Variants in FLRT2 observed in about 807,000 individuals in gnomAD.
FLRT2 encodes leucine-rich repeat transmembrane protein FLRT2.
A neutral mutation model predicts 40.0 loss-of-function variants in FLRT2; 15 were observed. That is an observed-to-expected ratio of 0.38 (90% CI 0.25 to 0.58). The LOEUF is 0.58. Among genes scored for constraint, FLRT2 ranks in the 20% least tolerant of loss-of-function variants. The probability of loss-of-function intolerance (pLI) is 0.71; values close to 1 mark genes in which losing one functional copy is unlikely to be tolerated. For missense variants in FLRT2, 726 were observed against 840.0 expected (o/e 0.86, Z 1.68); for synonymous variants, 380 against 336.8 (o/e 1.13, Z -1.41).
chr14:85,605,690 A>G (rs971041560), intron 1 of FLRT2, among the ~76,000 whole-genome samples: 1 of 152,102 alleles, frequency 6.6e-6, no homozygotes, highest in South Asian at 2.1e-4. Flanking sequence ...GAATGGCATG[A>G]ACTGGAGCTC....
chr14:85,618,551 G>A (rs1276435700), intron 1 of FLRT2, among the ~76,000 whole-genome samples: 1 of 152,040 alleles, frequency 6.6e-6, no homozygotes, highest in Non-Finnish European at 1.5e-5. Context: ...AACATTTTCT[G>A]TTAAGGCCAA....
intron 1 of FLRT2, among the ~76,000 whole-genome samples, chr14:85,583,650 C>T (rs746981938): frequency 1.3e-5 from 2 of 152,088 alleles, no homozygotes; most frequent in African/African-American, 2.4e-5. Flanking sequence ...AAAGAATATT[C>T]CCTCAAGGCA....
At chr14:85,596,639 C>A (rs58755279) in intron 1 of FLRT2, among the ~76,000 whole-genome samples, 1,570 of 152,238 alleles carry the variant, frequency 0.01, 24 homozygotes, top group African/African-American at 0.036. Flanking sequence ...CATCGTCTTG[C>A]TAAAGACTTT....
In FLRT2 at chr14:85,624,897, C is replaced by T. The variant is rs1384491102; in HGVS notation, c.*1400C>T. 2 of 166,996 alleles carry T rather than the reference C, an allele frequency of 1.2e-5. No homozygotes were observed. Among genetic ancestry groups the T allele is most frequent in the African/African-American group, 4.8e-5 (2 of 41,440 alleles). 10.3% of individuals were successfully genotyped at this position (166,996 alleles called of 1,614,324 possible). On this transcript the variant is annotated 3_prime_UTR_variant, in exon 2 of 2. Transcript: ENST00000330753. ...ACCTTGGACTGACTTTGATCCTGTT[C>T]CACTTTTGAAATTTTATTTGTTCCT...
At chr14:85,613,291 CTGAG>C (rs1892978571) in intron 1 of FLRT2, among the ~76,000 whole-genome samples, 1 of 152,092 alleles carries the variant, frequency 6.6e-6, no homozygotes, top group Non-Finnish European at 1.5e-5. Flanking sequence ...TGTTATGTTT[CTGAG>C]TGACCCTATT....
In FLRT2 at chr14:85,636,971, C is replaced by T. The variant is rs1894023797; in HGVS notation, c.*13474C>T. On this transcript the variant is annotated 3_prime_UTR_variant, in exon 2 of 2. Transcript: ENST00000330753. The stretch of plus-strand genomic sequence containing the variant: ...AAAAAAAAAGAGAGAGACTAACATT[C>T]TAACAGACAAAACAAAAACAAAAAA... 1 of 142,132 alleles carries T rather than the reference C, an allele frequency of 7.0e-6. No individual in the cohort carries two copies. Among genetic ancestry groups the T allele is most frequent in the South Asian group, 2.3e-4 (1 of 4,346 alleles). The allele number at this position is 142,132 out of a possible 1,614,324, so 8.8% of individuals were successfully genotyped here.
intron 1 of FLRT2, among the ~76,000 whole-genome samples, chr14:85,546,013 G>A (rs773925935): frequency 4.6e-5 from 7 of 152,186 alleles, no homozygotes; most frequent in East Asian, 3.9e-4. Context: ...TTGCTCAGGC[G>A]GTAAGCTTTT....
At position 85,643,767 on chromosome 14, in the gene FLRT2, G is replaced by A. The variant is rs1894225240; in HGVS notation, c.*20270G>A. On this transcript the variant is annotated 3_prime_UTR_variant, in exon 2 of 2. Coordinates refer to ENST00000330753, the MANE Select transcript of FLRT2 (RefSeq NM_013231.6). ...TCTTTTAGATAGAGATGAAAGTGTAGATGCTGCCCACAAAATGTGCTCCCT... is the reference window on the plus strand; with the variant it reads ...TCTTTTAGATAGAGATGAAAGTGTAAATGCTGCCCACAAAATGTGCTCCCT... 6.6e-6 allele frequency: 1 copy of A among 152,166 alleles called. No homozygotes were observed. Among genetic ancestry groups the A allele is most frequent in the South Asian group, 2.1e-4 (1 of 4,830 alleles). 9.4% of individuals were successfully genotyped at this position (152,166 alleles called of 1,614,324 possible).
chr14:85,594,145 C>G (rs191987175), intron 1 of FLRT2, among the ~76,000 whole-genome samples: 66 of 152,268 alleles, frequency 4.3e-4, no homozygotes, highest in African/African-American at 1.5e-3. Flanking sequence ...TTAGAATATT[C>G]AGGTCCAATT....
chr14:85,630,214 AG>A lies in FLRT2; in HGVS notation c.*6718del, dbSNP rs1170762022. ...CTCTACTGAAAGTTAAGGATACAAA[AG>A]TTTTTAATGGTAATAACCCAAACTA... On this transcript the variant is annotated 3_prime_UTR_variant, in exon 2 of 2. Transcript: ENST00000330753. 2 of 151,052 alleles carry A rather than the reference AG, an allele frequency of 1.3e-5. No individual in the cohort carries two copies. Among genetic ancestry groups the A allele is most frequent in the South Asian group, 2.1e-4 (1 of 4,762 alleles). 9.4% of individuals were successfully genotyped at this position (151,052 alleles called of 1,614,324 possible). A position where few individuals can be genotyped will look rare whatever the true frequency, so the allele number is the denominator to read the frequency against.
rs757162971 is a variant in FLRT2 at position 85,623,420 on chromosome 14, T to C, written c.1906T>C (p.Tyr636His). Residue 636 changes from tyrosine (Y) to histidine (H), a missense_variant, in exon 2 of 2, where the codon TAC becomes CAC. By Grantham distance (83) the Tyr-to-His change is moderately conservative (BLOSUM62 2). Transcript: ENST00000330753. ...PIYTPNGGIN[Y>H]TDCHIPNNMR... ...TTACACCCCAAATGGGGGCATTAAT[T>C]ACACAGACTGCCATATCCCCAACAA... 4.7e-6 allele frequency: 7 copies of C among 1,500,648 alleles called. No individual in the cohort carries two copies. The highest frequency in any genetic ancestry group is 3.5e-6 in the Non-Finnish European group (4 of 1,127,538). 93.0% of individuals were successfully genotyped at this position (1,500,648 alleles called of 1,614,324 possible). A position where few individuals can be genotyped will look rare whatever the true frequency, so the allele number is the denominator to read the frequency against.
Position 85,623,100 on chromosome 14 carries a change from A to G in FLRT2, c.1586A>G (p.His529Arg). Residue 529 changes from histidine (H) to arginine (R), a missense_variant, in exon 2 of 2, where the codon CAT (histidine) becomes CGT (arginine). Physicochemically the swap from His to Arg is conservative, Grantham distance 29. Around this residue, in one of 3 missense-constraint regions of FLRT2, gnomAD observed 611 missense variants for 690.0 expected, o/e 0.89. Coordinates refer to ENST00000330753, the MANE Select transcript of FLRT2 (RefSeq NM_013231.6). ...LNNGSNTASS[H>R]EQTTSHSMGS... ...AACGGCAGCAACACAGCGTCCAGCC[A>G]TGAGCAGACGACGTCCCACAGCATG... 1.9e-6 allele frequency: 3 copies of G among 1,613,676 alleles called. No homozygotes were observed. The highest frequency in any genetic ancestry group is 2.5e-6 in the Non-Finnish European group (3 of 1,179,726).
intron 1 of FLRT2, among the ~76,000 whole-genome samples, chr14:85,580,422 G>A (rs1297828158): frequency 6.6e-6 from 1 of 152,116 alleles, no homozygotes; most frequent in African/African-American, 2.4e-5. Context: ...AGAAGTTTGT[G>A]TTCATATATG....
At chr14:85,595,477 G>T (rs911373290) in intron 1 of FLRT2, among the ~76,000 whole-genome samples, 1 of 150,428 alleles carries the variant, frequency 6.6e-6, no homozygotes, top group Non-Finnish European at 1.5e-5. Context: ...CCGACAAGGT[G>T]CTTGGCATTG....
chr14:85,639,761 A>C lies in FLRT2; in HGVS notation c.*16264A>C, dbSNP rs1894102719. The C allele has an allele frequency of 6.6e-6, 1 of 152,120 alleles. No individual in the cohort carries two copies. Among genetic ancestry groups the C allele is most frequent in the African/African-American group, 2.4e-5 (1 of 41,414 alleles). 9.4% of individuals were successfully genotyped at this position (152,120 alleles called of 1,614,324 possible). ...AATAAGTGATGGAATGAGCTTTGAA[A>C]ACACAGGGCTTAGGATTTCAAATCA... On this transcript the variant is annotated 3_prime_UTR_variant, in exon 2 of 2. Coordinates refer to ENST00000330753, the MANE Select transcript of FLRT2 (RefSeq NM_013231.6).
chr14:85,652,324 T>A lies in FLRT2; in HGVS notation c.*28827T>A, dbSNP rs193179087. 35 of 152,224 alleles carry A rather than the reference T, an allele frequency of 2.3e-4. No individual in the cohort carries two copies. The East Asian group carries it at 5.0e-3, about 22-fold the overall frequency. The allele number at this position is 152,224 out of a possible 1,614,324, so 9.4% of individuals were successfully genotyped here. On this transcript the variant is annotated 3_prime_UTR_variant, in exon 2 of 2. Coordinates refer to ENST00000330753, the MANE Select transcript of FLRT2 (RefSeq NM_013231.6). ...ATATTTATATTGAGAAGCAACTTTTTTAATTGTTTGGGGAAAGACTTCTAT... is the reference window on the plus strand; with the variant it reads ...ATATTTATATTGAGAAGCAACTTTTATAATTGTTTGGGGAAAGACTTCTAT...
chr14:85,577,091 G>A (rs1194460874), intron 1 of FLRT2, among the ~76,000 whole-genome samples: 1 of 152,170 alleles, frequency 6.6e-6, no homozygotes, highest in African/African-American at 2.4e-5. Flanking sequence ...GATTTGTAAT[G>A]CATTACCACT....
At chr14:85,580,952 C>T (rs902770088) in intron 1 of FLRT2, among the ~76,000 whole-genome samples, 6 of 152,046 alleles carry the variant, frequency 3.9e-5, no homozygotes, top group Admixed American at 1.3e-4. Context: ...CTGGCTAATC[C>T]GAAGAGATTA....
chr14:85,641,195 G>T lies in FLRT2; in HGVS notation c.*17698G>T, dbSNP rs376604809. 24 of 152,264 alleles carry T rather than the reference G, an allele frequency of 1.6e-4. 1 individual carries two copies. The highest frequency in any genetic ancestry group is 4.8e-4 in the African/African-American group (20 of 41,544). The allele number at this position is 152,264 out of a possible 1,614,324, so 9.4% of individuals were successfully genotyped here. ...AAGAGAGCATGGTGTTTAATGCCAG[G>T]GTGGAAAGCTGTGACAGTCAGCTTT... On this transcript the variant is annotated 3_prime_UTR_variant, in exon 2 of 2. Transcript: ENST00000330753.
Sources: gnomAD v4.1 joint callset for allele counts (sites outside exome capture counted in the v4.1 genomes callset) on GRCh38, gnomAD v4.1.1 for gene constraint, gnomAD v4.1.1 regional missense constraint, MANE v1.5 for transcripts, NCBI Gene and HGNC (gene_info 2026-07-23, HGNC 2026-07-21) for gene names.